Variants in MAP2 observed in about 807,000 individuals in gnomAD.
MAP2 encodes the protein microtubule associated protein 2.
A neutral mutation model predicts 137.6 loss-of-function variants in MAP2; 14 were observed. The observed-to-expected ratio is 0.10, with a 90% CI of 0.07 to 0.16. The LOEUF is 0.16. MAP2 is among the 10% of genes least tolerant of loss of function. The probability of loss-of-function intolerance (pLI) is 1.00; values close to 1 mark genes in which losing one functional copy is unlikely to be tolerated. For synonymous variants in MAP2, 786 were observed against 782.3 expected (o/e 1.00, Z -0.08); for missense variants, 2,088 against 2,191.5 (o/e 0.95, Z 0.94).
intron 13 of MAP2, among the ~76,000 whole-genome samples, chr2:209,711,477 T>C (rs1481387685): frequency 6.6e-6 from 1 of 152,160 alleles, no homozygotes; most frequent in East Asian, 1.9e-4. Context: ...GAGGTCAATA[T>C]GCCCTTTTAG....
chr2:209,714,022 T>G (rs2066506644), intron 13 of MAP2, among the ~76,000 whole-genome samples: 1 of 150,502 alleles, frequency 6.6e-6, no homozygotes, highest in South Asian at 2.1e-4. Flanking sequence ...TGAAACCCCG[T>G]CCCTACTAAA....
intron 2 of MAP2, among the ~76,000 whole-genome samples, chr2:209,526,725 A>C (rs1418650037): frequency 6.7e-6 from 1 of 149,464 alleles, no homozygotes; most frequent in Non-Finnish European, 1.5e-5. Context: ...ATTTTTTGCC[A>C]CCCTGAAAGT....
At chr2:209,483,554 A>G (rs2057989471) in intron 1 of MAP2, among the ~76,000 whole-genome samples, 1 of 152,250 alleles carries the variant, frequency 6.6e-6, no homozygotes. Flanking sequence ...AGCCTGGCTG[A>G]TAGAGCGAGA....
At chr2:209,553,015 G>A (rs775597643) in intron 2 of MAP2, among the ~76,000 whole-genome samples, 50 of 151,064 alleles carry the variant, frequency 3.3e-4, no homozygotes, top group Non-Finnish European at 6.9e-4. Context: ...ATGTTTTGTT[G>A]TTGTTTTTTT....
At chr2:209,461,690 T>G (rs930940846) in intron 1 of MAP2, among the ~76,000 whole-genome samples, 1 of 152,058 alleles carries the variant, frequency 6.6e-6, no homozygotes, top group African/African-American at 2.4e-5. Flanking sequence ...CCTCAGGTGA[T>G]CCGCCCCCTG....
chr2:209,514,757 A>C (rs562734976), intron 2 of MAP2, among the ~76,000 whole-genome samples: 1 of 152,144 alleles, frequency 6.6e-6, no homozygotes, highest in African/African-American at 2.4e-5. Flanking sequence ...TTGTTCCTCT[A>C]TAAATCAACG....
At chr2:209,583,362 AT>A (rs1189092953) in intron 3 of MAP2, among the ~76,000 whole-genome samples, 4 of 152,104 alleles carry the variant, frequency 2.6e-5, no homozygotes, top group African/African-American at 9.7e-5. Context: ...TTCATAAAGC[AT>A]TTTCCATGTA....
chr2:209,633,497 T>C (rs1016002192), intron 4 of MAP2, among the ~76,000 whole-genome samples: 1 of 152,162 alleles, frequency 6.6e-6, no homozygotes, highest in African/African-American at 2.4e-5. Flanking sequence ...TTGTTAATAG[T>C]TGTTACTAAG....
chr2:209,700,210 A>G (rs2061415300), intron 10 of MAP2, 67 bp from the exon 11 acceptor site: 2 of 1,305,824 alleles, frequency 1.5e-6, no homozygotes, highest in Non-Finnish European at 2.2e-6. Context: ...TCCTACAGGT[A>G]TTTAAAACTG....
chr2:209,649,215 C>A (rs1274908305), intron 4 of MAP2, among the ~76,000 whole-genome samples: 1 of 151,892 alleles, frequency 6.6e-6, no homozygotes, highest in African/African-American at 2.4e-5. Flanking sequence ...GGGGGTCTCA[C>A]TATGTTGATC....
chr2:209,499,233 A>G (rs994990328), intron 1 of MAP2, among the ~76,000 whole-genome samples: 13 of 152,104 alleles, frequency 8.5e-5, no homozygotes, highest in Admixed American at 3.9e-4. Context: ...CAAACTTCCA[A>G]AGACCCCTAG....
At chr2:209,587,900 T>C (rs2078177981) in intron 3 of MAP2, among the ~76,000 whole-genome samples, 1 of 152,186 alleles carries the variant, frequency 6.6e-6, no homozygotes, top group Admixed American at 6.5e-5. Flanking sequence ...CCTTAGAAAC[T>C]AGAAATTTAA....
chr2:209,704,840 C>T (rs1005195623), intron 11 of MAP2, among the ~76,000 whole-genome samples: 1 of 151,638 alleles, frequency 6.6e-6, no homozygotes, highest in African/African-American at 2.4e-5. Context: ...TCTAGATATG[C>T]TACCCATTAT....
At chr2:209,727,296 T>C (rs2074411042) in intron 14 of MAP2, among the ~76,000 whole-genome samples, 1 of 152,244 alleles carries the variant, frequency 6.6e-6, no homozygotes, top group African/African-American at 2.4e-5. Context: ...AAATTGACTT[T>C]GTACTGCTGT....
Position 209,694,804 on chromosome 2 carries a change from A to G in MAP2, c.2634A>G (p.Pro878=), listed in dbSNP as rs1260264169. 1 of 1,614,192 alleles carries G rather than the reference A, an allele frequency of 6.2e-7. No individual in the cohort carries two copies. Among genetic ancestry groups the G allele is most frequent in the South Asian group, 1.1e-5 (1 of 91,086 alleles). The change falls in exon 8 of 16, where the codon CCA becomes CCG. Residue 878 remains proline (P), a synonymous_variant. Transcript: ENST00000682079. The stretch of plus-strand genomic sequence containing the variant: ...GTGTGTTCAATAAGTACACAGTCCC[A>G]TTGCCATCACCTGTTCAAGACAGTG... The part of the protein sequence containing the change: ...GYCVFNKYTV[P]LPSPVQDSEN...
chr2:209,480,742 C>T (rs573600784), intron 1 of MAP2, among the ~76,000 whole-genome samples: 6 of 152,170 alleles, frequency 3.9e-5, no homozygotes, highest in South Asian at 2.1e-4. Flanking sequence ...AGAGTTTAGA[C>T]GAAAATATTA....
At chr2:209,497,156 A>C (rs2059847172) in intron 1 of MAP2, among the ~76,000 whole-genome samples, 1 of 152,108 alleles carries the variant, frequency 6.6e-6, no homozygotes, top group Admixed American at 6.5e-5. Context: ...CATATGTTGA[A>C]GTTCTAAGTG....
chr2:209,609,580 A>G (rs1211130422), intron 3 of MAP2, among the ~76,000 whole-genome samples: 1 of 152,194 alleles, frequency 6.6e-6, no homozygotes, highest in Admixed American at 6.5e-5. Context: ...TATAAGTAAT[A>G]CAATAGGTGG....
At chr2:209,507,429 T>C (rs190553320) in intron 1 of MAP2, among the ~76,000 whole-genome samples, 163 bp from the exon 2 acceptor site, 1 of 152,292 alleles carries the variant, frequency 6.6e-6, no homozygotes, top group African/African-American at 2.4e-5. Flanking sequence ...TAAAGTTGTA[T>C]TATACATAAC....
Sources: allele counts gnomAD v4.1 joint callset (sites outside exome capture counted in the v4.1 genomes callset), GRCh38; gene constraint gnomAD v4.1.1; transcripts MANE v1.5; gene names NCBI Gene and HGNC (gene_info 2026-07-23, HGNC 2026-07-21).